Variants in AREL1 observed in about 807,000 individuals in gnomAD.
The protein encoded by AREL1 is apoptosis resistant E3 ubiquitin protein ligase 1.
In AREL1, 62 loss-of-function variants were observed where a neutral mutation model predicts 99.0. That is an observed-to-expected ratio of 0.63 (90% CI 0.51 to 0.77). The LOEUF is 0.77. AREL1 is among the 30% of genes least tolerant of loss of function. AREL1 has a pLI of 0.00. For missense variants in AREL1, 879 were observed against 1,027.6 expected (o/e 0.86, Z 1.98); for synonymous variants, 380 against 376.5 (o/e 1.01, Z -0.11).
In AREL1 at chr14:74,708,908, C is replaced by A. The variant is rs185926284; in HGVS notation, c.-334+4025G>T. 1.3e-3 allele frequency among the ~76,000 whole-genome samples: 205 copies of A among 152,260 alleles called. 5 individuals are homozygous for A. The highest frequency in any genetic ancestry group is 0.01 in the Middle Eastern group (3 of 294). On this transcript the variant is annotated intron_variant, in intron 1 of 19. Coordinates refer to ENST00000356357, the MANE Select transcript of AREL1 (RefSeq NM_001039479.2). ...GTAGAACAGTCTTCAAAAGAGCCAC[C>A]AGGAAAACATCACTATGGTGCTGTA...
chr14:74,688,151 G>A (rs1352858331), intron 2 of AREL1, among the ~76,000 whole-genome samples: 2 of 149,116 alleles, frequency 1.3e-5, no homozygotes, highest in South Asian at 2.1e-4. Flanking sequence ...TCAGCCTCCC[G>A]AGTAGCTGGC....
chr14:74,673,298 C>A, intron 9 of AREL1, 80 bp from the exon 10 acceptor site: 2 of 1,387,944 alleles, frequency 1.4e-6, no homozygotes, highest in South Asian at 1.3e-5. Flanking sequence ...TCCTGTGTAC[C>A]AACCAACAAC....
chr14:74,686,526 CTTTCT>C (rs913756384), intron 2 of AREL1, among the ~76,000 whole-genome samples: 20 of 152,362 alleles, frequency 1.3e-4, no homozygotes, highest in African/African-American at 3.8e-4. Flanking sequence ...TGAATGCACT[CTTTCT>C]TTTCAAGTCA....
Position 74,669,762 on chromosome 14 carries a change from C to A in AREL1, c.1801G>T (p.Asp601Tyr). 6.2e-7 allele frequency: 1 copy of A among 1,614,180 alleles called. No individual in the cohort carries two copies. Among genetic ancestry groups the A allele is most frequent in the Non-Finnish European group, 8.5e-7 (1 of 1,180,024 alleles). ...LRMHYKYFET[D>Y]DPEFYKSKVC... ...TTAGATTTGTAGAATTCTGGGTCAT[C>A]TGTTTCAAAGTACTGAGGAGGCAGA... is the stretch of plus-strand genomic sequence containing the variant. Residue 601 changes from aspartate (D) to tyrosine (Y), a missense_variant, in exon 15 of 20, where the codon GAT becomes TAT. By Grantham distance (160) the Asp-to-Tyr change is radical. Transcript: ENST00000356357.
chr14:74,675,515 C>A (rs990068139), intron 8 of AREL1, among the ~76,000 whole-genome samples, 184 bp downstream of exon 8: 4 of 152,186 alleles, frequency 2.6e-5, no homozygotes, highest in Non-Finnish European at 5.9e-5. Context: ...TGACACAGCA[C>A]AAGAAGCCAA....
chr14:74,676,855 G>C, intron 5 of AREL1, 103 bp from the exon 6 acceptor site: 1 of 966,498 alleles, frequency 1.0e-6, no homozygotes, highest in Non-Finnish European at 1.4e-6. Flanking sequence ...GGAGTGCAGT[G>C]GCGCAATCTC....
chr14:74,675,978 A>T, intron 7 of AREL1, 32 bp from the exon 8 acceptor site: 1 of 1,542,834 alleles, frequency 6.5e-7, no homozygotes, highest in Non-Finnish European at 8.7e-7. Flanking sequence ...GGTTTAAAGT[A>T]GAAGTCAGAG....
intron 1 of AREL1, 85 bp from the exon 2 acceptor site, chr14:74,692,413 G>C (rs768523211): frequency 1.2e-4 from 42 of 357,056 alleles, no homozygotes; most frequent in Admixed American, 3.7e-4. Flanking sequence ...AGAGAAGGTA[G>C]AACAGGCAGT....
In AREL1 at chr14:74,700,655, C is replaced by T. The variant is rs151270899; in HGVS notation, c.-333-8327G>A. On this transcript the variant is annotated intron_variant, in intron 1 of 19. Transcript: ENST00000356357. Reference sequence around the variant, plus strand: ...ATTAGCCGGGCATGGTGGCACACGCCTGTATTCCCAGCTACTGGGGAAGCT... The same window carrying T: ...ATTAGCCGGGCATGGTGGCACACGCTTGTATTCCCAGCTACTGGGGAAGCT... Among the ~76,000 whole-genome samples the T allele has an allele frequency of 6.6e-3, 1,000 of 152,232 alleles. 14 individuals carry two copies. The highest frequency in any genetic ancestry group is 0.023 in the African/African-American group (961 of 41,528).
chr14:74,693,892 C>T (rs2139951818), intron 1 of AREL1, among the ~76,000 whole-genome samples: 1 of 152,272 alleles, frequency 6.6e-6, no homozygotes, highest in East Asian at 1.9e-4. Context: ...AATACAGCAA[C>T]ATGACCGGGC....
rs2139846118 is a variant in AREL1, at chr14:74,663,557, G to GCTTT, written c.*162_*163insAAAG. ...TAGATATGGGCAGGGAGCAGGTGAG[G>GCTTT]TAAAGACAAGGCTTGTAGGTGACAA... On this transcript the variant is annotated 3_prime_UTR_variant, in exon 20 of 20. Transcript: ENST00000356357. 1.4e-6 allele frequency: 1 copy of GCTTT among 733,738 alleles called. No homozygotes were observed. The highest frequency in any genetic ancestry group is 2.6e-5 in the East Asian group (1 of 38,216). The allele number at this position is 733,738 out of a possible 1,614,324, so 45.5% of individuals were successfully genotyped here.
At chr14:74,668,461 A>G (rs192768069) in intron 15 of AREL1, among the ~76,000 whole-genome samples, 48 of 151,964 alleles carry the variant, frequency 3.2e-4, no homozygotes, top group Admixed American at 1.6e-3. Flanking sequence ...GGTATGCACA[A>G]TCCTGGATTT....
chr14:74,675,182 G>T (rs1045476119), intron 8 of AREL1, among the ~76,000 whole-genome samples: 7 of 152,064 alleles, frequency 4.6e-5, no homozygotes, highest in African/African-American at 1.7e-4. Context: ...ATCACCCCTA[G>T]TCCAAATTAA....
chr14:74,675,563 G>T, intron 8 of AREL1, 136 bp downstream of exon 8: 3 of 1,251,560 alleles, frequency 2.4e-6, no homozygotes, highest in South Asian at 3.2e-5. Context: ...TTTAACAGTT[G>T]AAAGTGGCTT....
Position 74,684,558 on chromosome 14 carries a change from A to C in AREL1, c.139T>G (p.Tyr47Asp). ...DRERRGDRTI[Y>D]DYVRGNYLDP... Reference sequence around the variant, plus strand: ...AGGTAATTTCCCCGCACGTAGTCATAAATAGTCCGGTCCCCTCGGCGCTCG... The same window carrying C: ...AGGTAATTTCCCCGCACGTAGTCATCAATAGTCCGGTCCCCTCGGCGCTCG... The change falls in exon 4 of 20, where the codon TAT becomes GAT. Residue 47 changes from tyrosine (Y) to aspartate (D), a missense_variant. Physicochemically the swap from Tyr to Asp is radical, Grantham distance 160. Coordinates refer to ENST00000356357, the MANE Select transcript of AREL1 (RefSeq NM_001039479.2). 1 of 1,614,156 alleles carries C rather than the reference A, an allele frequency of 6.2e-7. No individual in the cohort carries two copies. The highest frequency in any genetic ancestry group is 8.5e-7 in the Non-Finnish European group (1 of 1,180,030).
At chr14:74,702,236 C>T (rs975782690) in intron 1 of AREL1, among the ~76,000 whole-genome samples, 2 of 152,238 alleles carry the variant, frequency 1.3e-5, no homozygotes, top group African/African-American at 2.4e-5. Context: ...CAACATTGCC[C>T]TAGCAGAGGT....
At chr14:74,670,177 G>C in intron 13 of AREL1, 51 bp from the exon 14 acceptor site, 1 of 1,516,180 alleles carries the variant, frequency 6.6e-7, no homozygotes, top group South Asian at 1.3e-5. Flanking sequence ...TTCAAGCCCA[G>C]TTCTGGAAGG....
chr14:74,663,551 G>T lies in AREL1; in HGVS notation c.*169C>A. ...CTGTGGTAGATATGGGCAGGGAGCA[G>T]GTGAGGTAAAGACAAGGCTTGTAGG... On this transcript the variant is annotated 3_prime_UTR_variant, in exon 20 of 20. Coordinates refer to ENST00000356357, the MANE Select transcript of AREL1 (RefSeq NM_001039479.2). The T allele has an allele frequency of 1.4e-6, 1 of 696,772 alleles. No homozygotes were observed. The highest frequency in any genetic ancestry group is 2.5e-6 in the Non-Finnish European group (1 of 394,022). The allele number at this position is 696,772 out of a possible 1,614,324, so 43.2% of individuals were successfully genotyped here.
chr14:74,693,445 G>T (rs920727812), intron 1 of AREL1, among the ~76,000 whole-genome samples: 4 of 151,956 alleles, frequency 2.6e-5, no homozygotes, highest in African/African-American at 9.7e-5. Context: ...GCAGAAAGGG[G>T]GTTTATGGCA....
Sources: gnomAD v4.1 joint callset for allele counts (sites outside exome capture counted in the v4.1 genomes callset) on GRCh38, gnomAD v4.1.1 for gene constraint, MANE v1.5 for transcripts, NCBI Gene and HGNC (gene_info 2026-07-23, HGNC 2026-07-21) for gene names.